The following EPB41L5 variants were observed in gnomAD, a reference collection of about 807,000 sequenced individuals.
EPB41L5 encodes erythrocyte membrane protein band 4.1 like 5.
EPB41L5 carries 55 observed loss-of-function variants against 106.6 expected under a neutral mutation model. That is an observed-to-expected ratio of 0.52 (90% CI 0.42 to 0.65). EPB41L5 has a LOEUF of 0.65. EPB41L5 is among the 30% of genes least tolerant of loss of function. The pLI is 0.00. For missense variants in EPB41L5, 871 were observed against 882.1 expected, an observed-to-expected ratio of 0.99 and a Z score of 0.16; for synonymous variants, 297 against 306.7, an observed-to-expected ratio of 0.97 and a Z score of 0.33.
At chr2:120,168,416 G>T (rs1482463137) in intron 24 of EPB41L5, among the ~76,000 whole-genome samples, 2 of 152,190 alleles carry the variant, frequency 1.3e-5, no homozygotes, top group African/African-American at 4.8e-5. Context: ...TGAGAGCCCT[G>T]AGATGCCTTT....
intron 14 of EPB41L5, among the ~76,000 whole-genome samples, chr2:120,096,240 A>C (rs1335551582): frequency 6.6e-6 from 1 of 152,072 alleles, no homozygotes; most frequent in Non-Finnish European, 1.5e-5. Context: ...TCACTTTGAA[A>C]GCTGTTAAAG....
intron 3 of EPB41L5, among the ~76,000 whole-genome samples, chr2:120,043,310 C>G (rs2197562): frequency 0.69 from 104,398 of 151,570 alleles, 37,493 homozygotes; most frequent in Non-Finnish European, 0.79. Context: ...GGAGACTGAA[C>G]CGGGAGGATT....
intron 16 of EPB41L5, chr2:120,105,594 A>G (rs781141410): frequency 2.3e-4 from 231 of 985,266 alleles, no homozygotes; most frequent in Non-Finnish European, 2.6e-4. Flanking sequence ...GCAGGTTTCA[A>G]TCTGAGTTTA....
chr2:120,101,344 T>TA (rs1187900559), intron 16 of EPB41L5, among the ~76,000 whole-genome samples: 2 of 152,244 alleles, frequency 1.3e-5, no homozygotes, highest in Non-Finnish European at 2.9e-5. Context: ...TTTAATTATT[T>TA]AGACTTCCAG....
Position 120,164,847 on chromosome 2 carries a change from T to C in EPB41L5, c.1899T>C (p.Asp633=). 6.2e-7 allele frequency: 1 copy of C among 1,611,592 alleles called. No homozygotes were observed. The highest frequency in any genetic ancestry group is 8.5e-7 in the Non-Finnish European group (1 of 1,178,836). The part of the protein sequence containing the change: ...DSGSVLKEAT[D]ELDALLASLT... ...CCTGTCTTCCATAGGAAGCTACAGATGAATTGGATGCCTTGCTTGCATCTC... is the reference window on the plus strand; with the variant it reads ...CCTGTCTTCCATAGGAAGCTACAGACGAATTGGATGCCTTGCTTGCATCTC... Residue 633 remains aspartate, a synonymous_variant, in exon 22 of 25, where the codon GAT becomes GAC. Transcript: ENST00000263713.
intron 16 of EPB41L5, among the ~76,000 whole-genome samples, chr2:120,102,591 G>A (rs185395678): frequency 2.0e-5 from 3 of 152,276 alleles, no homozygotes; most frequent in African/African-American, 4.8e-5. Context: ...TTTAGAAAGT[G>A]ATAAATGGTT....
intron 11 of EPB41L5, among the ~76,000 whole-genome samples, chr2:120,089,416 C>T (rs150169888): frequency 6.6e-6 from 1 of 152,138 alleles, no homozygotes; most frequent in East Asian, 1.9e-4. Flanking sequence ...CAAATATTAA[C>T]TCATGTTAGA....
intron 20 of EPB41L5, among the ~76,000 whole-genome samples, chr2:120,149,342 C>G (rs1686564158): frequency 6.6e-6 from 1 of 152,078 alleles, no homozygotes; most frequent in African/African-American, 2.4e-5. Flanking sequence ...TTTTCGTCAC[C>G]TCAAAAAGAA....
Position 120,090,469 on chromosome 2 carries a change from T to C in EPB41L5, c.996T>C (p.Ser332=), listed in dbSNP as rs1358929548. The C allele has an allele frequency of 6.2e-7, 1 of 1,613,368 alleles. No homozygotes were observed. Among genetic ancestry groups the C allele is most frequent in the African/African-American group, 1.3e-5 (1 of 74,806 alleles). The change falls in exon 12 of 25, where the codon AGT becomes AGC. Residue 332 remains serine (S), a synonymous_variant. Coordinates refer to ENST00000263713, the MANE Select transcript of EPB41L5 (RefSeq NM_020909.4). The part of the protein sequence containing the change: ...FFRLRGPVQK[S]SHRSGFIRLG... The stretch of plus-strand genomic sequence containing the variant: ...GCCTTCGAGGCCCCGTCCAAAAGAG[T>C]TCTCATCGATCAGGATTTATTCGAC...
At position 120,049,663 on chromosome 2, in the gene EPB41L5, G is replaced by A. The variant is rs367878588; in HGVS notation, c.285+7553G>A. ...TAATTGGAGCATTTAGCCCATTTAC[G>A]TTTAAGGTTAATATTGCCATGTGTG... On this transcript the variant is annotated intron_variant, in intron 3 of 24. Coordinates refer to ENST00000263713, the MANE Select transcript of EPB41L5 (RefSeq NM_020909.4). 3.0e-4 allele frequency among the ~76,000 whole-genome samples: 45 copies of A among 152,016 alleles called. 1 individual carries two copies. The highest frequency in any genetic ancestry group is 8.0e-4 in the African/African-American group (33 of 41,382).
chr2:120,041,304 T>G (rs1442600184), intron 2 of EPB41L5, among the ~76,000 whole-genome samples: 5 of 152,154 alleles, frequency 3.3e-5, no homozygotes, highest in Non-Finnish European at 7.4e-5. Context: ...TTGTTTTGTT[T>G]CAGGTATATA....
At chr2:120,089,617 C>G (rs1574640715) in intron 11 of EPB41L5, among the ~76,000 whole-genome samples, 1 of 151,862 alleles carries the variant, frequency 6.6e-6, no homozygotes, top group South Asian at 2.1e-4. Flanking sequence ...TTTACTTGAC[C>G]ATTTCTCTTT....
Position 120,148,318 on chromosome 2 carries a change from C to T in EPB41L5, c.1793+2029C>T, listed in dbSNP as rs568472488. ...TAGGTCTAGAAACTCCTTACCCTCA[C>T]TCCTTACCCTTTCCAGACCTTAGGT... On this transcript the variant is annotated intron_variant, in intron 20 of 24. Coordinates refer to ENST00000263713, the MANE Select transcript of EPB41L5 (RefSeq NM_020909.4). 1.3e-5 allele frequency among the ~76,000 whole-genome samples: 2 copies of T among 152,222 alleles called. 1 individual carries two copies. The highest frequency in any genetic ancestry group is 1.3e-4 in the Admixed American group (2 of 15,298).
chr2:120,017,083 A>G (rs1677576946), intron 1 of EPB41L5, among the ~76,000 whole-genome samples: 1 of 152,066 alleles, frequency 6.6e-6, no homozygotes, highest in South Asian at 2.1e-4. Flanking sequence ...TATCGGGTTT[A>G]TAAATAAATC....
At chr2:120,074,702 A>G (rs1225733274) in intron 5 of EPB41L5, among the ~76,000 whole-genome samples, 1 of 152,182 alleles carries the variant, frequency 6.6e-6, no homozygotes, top group Non-Finnish European at 1.5e-5. Flanking sequence ...TTATAAATTC[A>G]TTGCTCCATA....
intron 20 of EPB41L5, among the ~76,000 whole-genome samples, chr2:120,153,685 G>A (rs1686777560): frequency 6.6e-6 from 1 of 151,994 alleles, no homozygotes; most frequent in Admixed American, 6.6e-5. Context: ...TGATAGTTCT[G>A]TATATGTTTG....
At chr2:120,115,525 A>G (rs566882772) in intron 16 of EPB41L5, among the ~76,000 whole-genome samples, 1 of 151,724 alleles carries the variant, frequency 6.6e-6, no homozygotes, top group Non-Finnish European at 1.5e-5. Flanking sequence ...AGCTGGGATT[A>G]CAGGTGTCCA....
intron 15 of EPB41L5, 131 bp from the exon 16 acceptor site, chr2:120,100,568 G>A (rs41279786): frequency 0.054 from 38,281 of 713,130 alleles, 1,352 homozygotes; most frequent in Non-Finnish European, 0.07. Context: ...TCTCTAAGGT[G>A]TATATAAAAT....
chr2:120,044,581 G>C (rs1679640889), intron 3 of EPB41L5, among the ~76,000 whole-genome samples: 1 of 152,116 alleles, frequency 6.6e-6, no homozygotes, highest in East Asian at 1.9e-4. Context: ...AGTTAGGTTT[G>C]AGTTACTTAG....
Sources: allele counts gnomAD v4.1 joint callset (sites outside exome capture counted in the v4.1 genomes callset), GRCh38; gene constraint gnomAD v4.1.1; transcripts MANE v1.5; gene names NCBI Gene and HGNC (gene_info 2026-07-23, HGNC 2026-07-21).